TLL1: variants seen among roughly 807,000 people sequenced by gnomAD.
TLL1 encodes tolloid like 1, also known as tolloid-like protein 1.
A neutral mutation model predicts 128.2 loss-of-function variants in TLL1; 49 were observed. The observed-to-expected ratio is 0.38, with a 90% CI of 0.30 to 0.48. TLL1 has a LOEUF of 0.48. Among genes scored for constraint, TLL1 ranks in the 20% least tolerant of loss-of-function variants. The pLI is 0.96. For missense variants in TLL1, 1,123 were observed against 1,242.0 expected (o/e 0.90, Z 1.44); for synonymous variants, 454 against 418.8 (o/e 1.08, Z -1.03).
chr4:166,088,785 T>A (rs1192122735), intron 18 of TLL1, among the ~76,000 whole-genome samples: 1 of 152,106 alleles, frequency 6.6e-6, no homozygotes, highest in African/African-American at 2.4e-5. Flanking sequence ...GCTGTCAGTA[T>A]GGCCCCCAGC....
chr4:166,051,303 C>CTTCCTTCCTTCCT (rs1553964950), intron 12 of TLL1, among the ~76,000 whole-genome samples: 16 of 94,394 alleles, frequency 1.7e-4, no homozygotes, highest in African/African-American at 1.2e-3. Context: ...CCCTCCTTTC[C>CTTCCTTCCTTCCT]TTCCTTCCTT....
chr4:165,949,598 C>A (rs1462437166), intron 1 of TLL1, among the ~76,000 whole-genome samples: 3 of 152,114 alleles, frequency 2.0e-5, no homozygotes. Context: ...TTCCACGTGG[C>A]TGGGGAAGCC....
intron 1 of TLL1, among the ~76,000 whole-genome samples, chr4:165,907,200 G>A (rs1429359104): frequency 6.6e-6 from 1 of 152,138 alleles, no homozygotes; most frequent in Non-Finnish European, 1.5e-5. Flanking sequence ...AAATATTTAA[G>A]AGTATGTCAT....
intron 8 of TLL1, among the ~76,000 whole-genome samples, chr4:166,019,785 A>C (rs939846551): frequency 6.6e-6 from 1 of 152,152 alleles, no homozygotes; most frequent in African/African-American, 2.4e-5. Flanking sequence ...TTTCCTTAAA[A>C]TCATACTATC....
intron 1 of TLL1, among the ~76,000 whole-genome samples, chr4:165,921,633 AC>A (rs1733046471): frequency 1.3e-5 from 2 of 152,124 alleles, no homozygotes; most frequent in African/African-American, 4.8e-5. Context: ...CATTTTTGAC[AC>A]CCTTCCCTTG....
chr4:166,074,373 G>C (rs893179478), intron 16 of TLL1, among the ~76,000 whole-genome samples: 8 of 151,546 alleles, frequency 5.3e-5, no homozygotes, highest in Non-Finnish European at 8.8e-5. Flanking sequence ...ATCAACTACA[G>C]TAATTATACT....
intron 7 of TLL1, among the ~76,000 whole-genome samples, chr4:166,012,228 C>T: frequency 6.6e-6 from 1 of 151,498 alleles, no homozygotes; most frequent in East Asian, 1.9e-4. Context: ...TATGATCTGT[C>T]TCTGCCTATT....
Position 166,051,299 on chromosome 4 carries a change from T to TTTCCTTCCTTCC in TLL1, c.1525-3761_1525-3750dup, listed in dbSNP as rs143837084. On this transcript the variant is annotated intron_variant, in intron 12 of 20. Transcript: ENST00000061240. ...CCTCCCTTCTTTCTTCCCTCCCTCCTTTCCTTCCTTCCTTCCTTCCTTCCT... is the reference window on the plus strand; with the variant it reads ...CCTCCCTTCTTTCTTCCCTCCCTCCTTTCCTTCCTTCCTTCCTTCCTTCCTTCCTTCCTTCCT... Among the ~76,000 whole-genome samples, 510 of 126,512 alleles carry TTTCCTTCCTTCC rather than the reference T, an allele frequency of 4.0e-3. 5 individuals are homozygous for TTTCCTTCCTTCC. The highest frequency in any genetic ancestry group is 0.012 in the African/African-American group (404 of 34,514). 83.0% of individuals were successfully genotyped at this position (126,512 alleles called of 152,430 possible). A position where few individuals can be genotyped will look rare whatever the true frequency, so the allele number is the denominator to read the frequency against.
chr4:166,019,619 A>T, intron 8 of TLL1, among the ~76,000 whole-genome samples: 1 of 152,084 alleles, frequency 6.6e-6, no homozygotes, highest in East Asian at 1.9e-4. Flanking sequence ...GATATACAAG[A>T]CTATGGGTTT....
chr4:166,056,946 A>C (rs1030308749), intron 13 of TLL1, among the ~76,000 whole-genome samples: 4 of 152,172 alleles, frequency 2.6e-5, no homozygotes, highest in African/African-American at 9.7e-5. Flanking sequence ...ATTTGGAACC[A>C]TTAAGCATGG....
chr4:166,100,706 C>A, intron 20 of TLL1, 36 bp from the exon 21 acceptor site: 3 of 1,611,510 alleles, frequency 1.9e-6, no homozygotes, highest in Non-Finnish European at 2.5e-6. Flanking sequence ...CGTTTTATTG[C>A]TTGTTTACTT....
intron 1 of TLL1, among the ~76,000 whole-genome samples, chr4:165,919,638 GT>G (rs149005260): frequency 0.019 from 2,854 of 152,208 alleles, 71 homozygotes; most frequent in African/African-American, 0.058. Context: ...GGAGAAATGT[GT>G]TTGTAACTCA....
intron 9 of TLL1, 42 bp downstream of exon 9, chr4:166,025,473 G>T: frequency 7.1e-7 from 1 of 1,417,928 alleles, no homozygotes; most frequent in South Asian, 1.2e-5. Context: ...TCTTATATAA[G>T]TACAAAAGTT....
chr4:166,057,061 C>A, intron 13 of TLL1, 123 bp from the exon 14 acceptor site: 2 of 1,099,270 alleles, frequency 1.8e-6, no homozygotes, highest in East Asian at 2.4e-5. Context: ...CCTCTCATGA[C>A]ACGTGAGAAT....
At chr4:165,928,206 C>T (rs971506126) in intron 1 of TLL1, among the ~76,000 whole-genome samples, 6 of 152,188 alleles carry the variant, frequency 3.9e-5, no homozygotes, top group Admixed American at 2.0e-4. Flanking sequence ...TTGGTGAAAT[C>T]ATTGACTCAA....
rs182670378 is a variant in TLL1 at position 166,098,839 on chromosome 4, G to A, written c.2657-438G>A. Among the ~76,000 whole-genome samples the A allele has an allele frequency of 1.2e-4, 18 of 152,116 alleles. No homozygotes were observed. The East Asian group carries it at 3.3e-3, about 28-fold the overall frequency. ...ACGATTAAACTTGAGTTAATACTCTGGCATCTTCTTTATGAAAATAGTTAT... is the reference window on the plus strand; with the variant it reads ...ACGATTAAACTTGAGTTAATACTCTAGCATCTTCTTTATGAAAATAGTTAT... On this transcript the variant is annotated intron_variant, in intron 19 of 20. Coordinates refer to ENST00000061240, the MANE Select transcript of TLL1 (RefSeq NM_012464.5).
At chr4:166,096,793 T>C (rs2111164668) in intron 19 of TLL1, among the ~76,000 whole-genome samples, 1 of 152,264 alleles carries the variant, frequency 6.6e-6, no homozygotes, top group African/African-American at 2.4e-5. Context: ...ATTACAGTGA[T>C]TTACATATTT....
At chr4:165,959,066 T>C (rs1161751053) in intron 1 of TLL1, among the ~76,000 whole-genome samples, 1 of 148,742 alleles carries the variant, frequency 6.7e-6, no homozygotes, top group Non-Finnish European at 1.5e-5. Flanking sequence ...GTTCCATTGA[T>C]CTATATCTCT....
At chr4:166,020,997 G>A (rs1271581813) in intron 8 of TLL1, among the ~76,000 whole-genome samples, 4 of 152,220 alleles carry the variant, frequency 2.6e-5, no homozygotes, top group Middle Eastern at 6.8e-3. Context: ...TTTATGTGGA[G>A]GCTGTAGGAA....
Sources: gnomAD v4.1 joint callset for allele counts (sites outside exome capture counted in the v4.1 genomes callset) on GRCh38, gnomAD v4.1.1 for gene constraint, MANE v1.5 for transcripts, NCBI Gene and HGNC (gene_info 2026-07-23, HGNC 2026-07-21) for gene names.